Variants in TSHZ2 observed in about 807,000 individuals in gnomAD.
TSHZ2 encodes teashirt homolog 2.
TSHZ2 carries 21 observed loss-of-function variants against 74.4 expected under a neutral mutation model. The observed-to-expected ratio is 0.28, with a 90% confidence interval of 0.20 to 0.41. TSHZ2 has a LOEUF of 0.41. Ranked by LOEUF, TSHZ2 falls within the 10% of genes least tolerant of loss-of-function variation. TSHZ2 has a pLI of 1.00. For missense variants in TSHZ2, 1,244 were observed against 1,293.5 expected (o/e 0.96, Z 0.59); for synonymous variants, 540 against 515.3 (o/e 1.05, Z -0.65).
rs181057493 is a variant in TSHZ2 at position 53,231,927 on chromosome 20, C to G, written c.41-21572C>G. On this transcript the variant is annotated intron_variant, in intron 1 of 2. Coordinates refer to ENST00000371497, the MANE Select transcript of TSHZ2 (RefSeq NM_173485.6). ...TAGAGGAGGGTCTTGCTCTGTTGCC[C>G]AGGCTGGAGTGCAGTGGCACCATCA... 1.9e-3 allele frequency among the ~76,000 whole-genome samples: 291 copies of G among 152,290 alleles called. 1 individual carries two copies. The highest frequency in any genetic ancestry group is 6.8e-3 in the African/African-American group (284 of 41,566).
chr20:53,453,846 T>A (rs1183866354), intron 2 of TSHZ2, among the ~76,000 whole-genome samples: 1 of 152,174 alleles, frequency 6.6e-6, no homozygotes, highest in Non-Finnish European at 1.5e-5. Context: ...TCAGGCTACA[T>A]GTTTGGGACT....
Position 53,142,104 on chromosome 20 carries a change from C to T in TSHZ2, c.41-111395C>T, listed in dbSNP as rs866229968. 5.0e-4 allele frequency among the ~76,000 whole-genome samples: 76 copies of T among 152,048 alleles called. 1 individual carries two copies. The highest frequency in any genetic ancestry group is 1.7e-3 in the African/African-American group (71 of 41,406). ...GTTTGTTGTTGTTTTTGTTGTTGCCCATGACAGAAAACTCACCTCAAAATG... is the reference window on the plus strand; with the variant it reads ...GTTTGTTGTTGTTTTTGTTGTTGCCTATGACAGAAAACTCACCTCAAAATG... On this transcript the variant is annotated intron_variant, in intron 1 of 2. Coordinates refer to ENST00000371497, the MANE Select transcript of TSHZ2 (RefSeq NM_173485.6).
chr20:53,166,987 G>A (rs1988077970), intron 1 of TSHZ2, among the ~76,000 whole-genome samples: 1 of 152,118 alleles, frequency 6.6e-6, no homozygotes, highest in African/African-American at 2.4e-5. Context: ...TGGAGACAAC[G>A]GTCAGAGGAA....
chr20:53,001,629 C>G (rs6512872), intron 1 of TSHZ2, among the ~76,000 whole-genome samples: 3 of 152,106 alleles, frequency 2.0e-5, no homozygotes, highest in Non-Finnish European at 4.4e-5. Context: ...GACAGGGGAG[C>G]TAAACTCTGC....
At chr20:53,158,713 T>C (rs191623479) in intron 1 of TSHZ2, among the ~76,000 whole-genome samples, 3 of 152,288 alleles carry the variant, frequency 2.0e-5, no homozygotes, top group African/African-American at 7.2e-5. Flanking sequence ...GATAATGTCG[T>C]GGCCCTCAAG....
intron 1 of TSHZ2, among the ~76,000 whole-genome samples, chr20:53,021,169 A>G (rs2123033286): frequency 6.6e-6 from 1 of 152,260 alleles, no homozygotes; most frequent in South Asian, 2.1e-4. Flanking sequence ...GTGGAATAGC[A>G]CTTGGATTGA....
chr20:53,252,580 C>G (rs956994350), intron 1 of TSHZ2, among the ~76,000 whole-genome samples: 7 of 152,210 alleles, frequency 4.6e-5, no homozygotes, highest in African/African-American at 1.7e-4. Flanking sequence ...TCTTCATTTT[C>G]CCTATGTAAT....
At chr20:53,235,054 C>T (rs1031311293) in intron 1 of TSHZ2, among the ~76,000 whole-genome samples, 7 of 142,220 alleles carry the variant, frequency 4.9e-5, no homozygotes, top group Admixed American at 4.7e-4. Flanking sequence ...GAGCGCACCT[C>T]GTCACTTAAT....
Position 53,231,327 on chromosome 20 carries a change from C to T in TSHZ2, c.41-22172C>T, listed in dbSNP as rs190305783. Reference sequence around the variant, plus strand: ...CTGCACTTGTAAATCAACCCATGCGCCCCTTCAGAAAGAATCTACTGTAAA... The same window carrying T: ...CTGCACTTGTAAATCAACCCATGCGTCCCTTCAGAAAGAATCTACTGTAAA... On this transcript the variant is annotated intron_variant, in intron 1 of 2. Transcript: ENST00000371497. Among the ~76,000 whole-genome samples the T allele has an allele frequency of 6.6e-5, 10 of 152,312 alleles. No homozygotes were observed. In the East Asian group the frequency reaches 1.9e-3, roughly 29 times the overall value.
chr20:53,381,736 C>A (rs117749005), intron 2 of TSHZ2, among the ~76,000 whole-genome samples: 2 of 152,228 alleles, frequency 1.3e-5, no homozygotes, highest in East Asian at 3.9e-4. Context: ...GAGAAATTGG[C>A]GATTTGTCTG....
At chr20:53,276,267 T>G (rs1488202000) in intron 2 of TSHZ2, among the ~76,000 whole-genome samples, 2 of 152,000 alleles carry the variant, frequency 1.3e-5, no homozygotes, top group Non-Finnish European at 2.9e-5. Flanking sequence ...TGGAACCACT[T>G]TTTTAGGTGG....
At chr20:53,339,888 G>A (rs1197787102) in intron 2 of TSHZ2, among the ~76,000 whole-genome samples, 1 of 152,112 alleles carries the variant, frequency 6.6e-6, no homozygotes, top group African/African-American at 2.4e-5. Flanking sequence ...GGAACACCAG[G>A]CAGCATCTCA....
In TSHZ2 at chr20:53,212,758, C is replaced by T. The variant is rs78461035; in HGVS notation, c.41-40741C>T. On this transcript the variant is annotated intron_variant, in intron 1 of 2. Coordinates refer to ENST00000371497, the MANE Select transcript of TSHZ2 (RefSeq NM_173485.6). ...CTCTCCGCATGGAGGTGTGGTCCCC[C>T]AGATTGAGAACCAGCAGGAAAGGAA... Among the ~76,000 whole-genome samples the T allele has an allele frequency of 9.2e-3, 1,404 of 152,278 alleles. 19 individuals carry two copies. Among genetic ancestry groups the T allele is most frequent in the African/African-American group, 0.032 (1,335 of 41,548 alleles).
intron 1 of TSHZ2, among the ~76,000 whole-genome samples, chr20:53,153,191 CCA>C (rs2123445154): frequency 6.6e-6 from 1 of 152,334 alleles, no homozygotes; most frequent in South Asian, 2.1e-4. Context: ...TCTGCTGTGA[CCA>C]TAGCCCCTGA....
intron 1 of TSHZ2, among the ~76,000 whole-genome samples, chr20:53,129,768 C>T (rs141536323): frequency 1.3e-5 from 2 of 152,052 alleles, no homozygotes; most frequent in South Asian, 2.1e-4. Context: ...TCTCCCCTCC[C>T]GTGCCTTGCT....
At chr20:53,396,031 G>A (rs1982433538) in intron 2 of TSHZ2, among the ~76,000 whole-genome samples, 1 of 152,198 alleles carries the variant, frequency 6.6e-6, no homozygotes, top group South Asian at 2.1e-4. Context: ...CTCTTCCCAG[G>A]TCCACCGCAT....
chr20:53,365,248 T>C (rs964278306), intron 2 of TSHZ2, among the ~76,000 whole-genome samples: 1 of 152,276 alleles, frequency 6.6e-6, no homozygotes, highest in Non-Finnish European at 1.5e-5. Context: ...TTTCTGGTGC[T>C]AAAACATGCT....
chr20:53,169,861 A>G (rs1988153297), intron 1 of TSHZ2, among the ~76,000 whole-genome samples: 1 of 152,222 alleles, frequency 6.6e-6, no homozygotes, highest in Admixed American at 6.5e-5. Context: ...ATGTAAAGGT[A>G]TTTATACACA....
At chr20:53,088,009 C>A (rs749784470) in intron 1 of TSHZ2, among the ~76,000 whole-genome samples, 3 of 152,176 alleles carry the variant, frequency 2.0e-5, no homozygotes, top group Non-Finnish European at 4.4e-5. Flanking sequence ...AAGCTTTGCC[C>A]CCTCTTGGAA....
Sources: gnomAD v4.1 joint callset for allele counts (sites outside exome capture counted in the v4.1 genomes callset) on GRCh38, gnomAD v4.1.1 for gene constraint, MANE v1.5 for transcripts, NCBI Gene and HGNC (gene_info 2026-07-23, HGNC 2026-07-21) for gene names.